CTNNA2: variants seen among roughly 807,000 people sequenced by gnomAD.
The protein encoded by CTNNA2 is catenin alpha 2.
A neutral mutation model predicts 101.0 loss-of-function variants in CTNNA2; 42 were observed. That is an observed-to-expected ratio of 0.42 (90% CI 0.32 to 0.54). The LOEUF is 0.54. Ranked by LOEUF, CTNNA2 falls within the 20% of genes least tolerant of loss-of-function variation. The pLI, the probability that CTNNA2 is intolerant of heterozygous loss-of-function variation, is 0.14. For missense variants in CTNNA2, 871 were observed against 1,223.1 expected, an observed-to-expected ratio of 0.71 and a Z score of 4.29; for synonymous variants, 450 against 456.4, an observed-to-expected ratio of 0.99 and a Z score of 0.18.
chr2:79,818,821 TTATA>T (rs372924495), intron 3 of CTNNA2, among the ~76,000 whole-genome samples: 19 of 74,276 alleles, frequency 2.6e-4, no homozygotes, highest in African/African-American at 1.1e-3. Context: ...CAAAATGCAA[TTATA>T]TATATATATA....
At chr2:79,868,191 C>A (rs1033854527) in intron 4 of CTNNA2, among the ~76,000 whole-genome samples, 4 of 152,076 alleles carry the variant, frequency 2.6e-5, no homozygotes, top group Non-Finnish European at 5.9e-5. Flanking sequence ...TTTACATCAT[C>A]GTTTCATATT....
intron 2 of CTNNA2, among the ~76,000 whole-genome samples, chr2:79,303,783 C>T (rs1311048546): frequency 2.0e-5 from 3 of 151,798 alleles, no homozygotes; most frequent in Admixed American, 1.3e-4. Flanking sequence ...GGGCTGCAGC[C>T]TTCACAGGAC....
At chr2:79,832,482 T>A (rs1194717382) in intron 3 of CTNNA2, among the ~76,000 whole-genome samples, 2 of 152,234 alleles carry the variant, frequency 1.3e-5, no homozygotes, top group Non-Finnish European at 2.9e-5. Flanking sequence ...CCATAAATAT[T>A]ATGCCATTTA....
chr2:80,204,883 A>T (rs1707436196), intron 7 of CTNNA2, among the ~76,000 whole-genome samples: 1 of 152,142 alleles, frequency 6.6e-6, no homozygotes, highest in Non-Finnish European at 1.5e-5. Flanking sequence ...AAGGCCTCAC[A>T]ATCATGATGG....
chr2:79,325,224 G>C (rs989453649), intron 3 of CTNNA2, among the ~76,000 whole-genome samples: 2 of 152,136 alleles, frequency 1.3e-5, no homozygotes, highest in Non-Finnish European at 2.9e-5. Flanking sequence ...AACCAAGTTT[G>C]ATTTATCCCC....
intron 4 of CTNNA2, among the ~76,000 whole-genome samples, chr2:79,415,811 C>G (rs893855125): frequency 2.0e-5 from 3 of 152,050 alleles, no homozygotes; most frequent in African/African-American, 7.2e-5. Flanking sequence ...ATAGGTCTAT[C>G]TGTTCTTACC....
At chr2:80,304,726 A>G (rs2149213592) in intron 7 of CTNNA2, 1 of 152,816 alleles carries the variant, frequency 6.5e-6, no homozygotes, top group South Asian at 1.8e-4. Flanking sequence ...GCGAGCTTGC[A>G]CAGGCACCTA....
chr2:80,410,018 T>A (rs1190405773), intron 8 of CTNNA2, among the ~76,000 whole-genome samples: 1 of 152,250 alleles, frequency 6.6e-6, no homozygotes, highest in South Asian at 2.1e-4. Context: ...CAAAGTCTTA[T>A]GCAAGTGTGA....
intron 1 of CTNNA2, among the ~76,000 whole-genome samples, chr2:79,563,085 A>G (rs1380825348): frequency 6.6e-6 from 1 of 151,480 alleles, no homozygotes; most frequent in East Asian, 1.9e-4. Context: ...ATGATCCAAT[A>G]TGTGATTCAT....
intron 9 of CTNNA2, among the ~76,000 whole-genome samples, chr2:80,437,484 G>C (rs1682147070): frequency 6.6e-6 from 1 of 152,186 alleles, no homozygotes. Flanking sequence ...ATATGTCATG[G>C]TAGTCAGCTT....
At chr2:80,371,837 A>T (rs981730411) in intron 7 of CTNNA2, among the ~76,000 whole-genome samples, 2 of 152,142 alleles carry the variant, frequency 1.3e-5, no homozygotes, top group African/African-American at 4.8e-5. Flanking sequence ...ATAGGTTGGC[A>T]TTGGAGAATT....
intron 3 of CTNNA2, among the ~76,000 whole-genome samples, chr2:79,793,650 A>G (rs1305542147): frequency 6.6e-6 from 1 of 152,144 alleles, no homozygotes; most frequent in East Asian, 1.9e-4. Flanking sequence ...TGCTCACAAG[A>G]TGTGCAAAAA....
intron 1 of CTNNA2, among the ~76,000 whole-genome samples, chr2:79,191,028 A>G (rs144736928): frequency 1.3e-5 from 2 of 152,286 alleles, no homozygotes; most frequent in Non-Finnish European, 2.9e-5. Context: ...AAATACAGTC[A>G]TGTTCAAAAG....
intron 7 of CTNNA2, among the ~76,000 whole-genome samples, chr2:79,932,298 G>C (rs1332273817): frequency 6.6e-6 from 1 of 152,162 alleles, no homozygotes; most frequent in Non-Finnish European, 1.5e-5. Context: ...TGAGAGGAAA[G>C]AGAAGAAACA....
chr2:80,078,850 C>T (rs1240509749), intron 7 of CTNNA2, among the ~76,000 whole-genome samples: 1 of 152,094 alleles, frequency 6.6e-6, no homozygotes, highest in East Asian at 1.9e-4. Context: ...TCTTATTCTC[C>T]CTCCCTTTTA....
Position 79,599,139 on chromosome 2 carries a change from C to T in CTNNA2, c.-5-52413C>T, listed in dbSNP as rs766903202. ...TATGTGGGCCTATGTCTGGGATCTC[C>T]GTCCTGTTCTATTCATCTATTTGTC... On this transcript the variant is annotated intron_variant, in intron 1 of 18. Transcript: ENST00000402739. 1.2e-4 allele frequency among the ~76,000 whole-genome samples: 18 copies of T among 152,154 alleles called. No homozygotes were observed. In the East Asian group the frequency reaches 2.1e-3, roughly 18 times the overall value.
chr2:80,607,433 G>C (rs900135644), intron 16 of CTNNA2, among the ~76,000 whole-genome samples: 1 of 151,832 alleles, frequency 6.6e-6, no homozygotes, highest in Non-Finnish European at 1.5e-5. Context: ...GCCAAGCTCT[G>C]TGTGTGCTTG....
At chr2:80,069,510 C>T (rs552631550) in intron 7 of CTNNA2, among the ~76,000 whole-genome samples, 23 of 152,214 alleles carry the variant, frequency 1.5e-4, no homozygotes, top group East Asian at 5.8e-4. Context: ...ATCCGCCATA[C>T]GATTGAAAAT....
intron 7 of CTNNA2, among the ~76,000 whole-genome samples, chr2:80,215,913 A>T (rs934988781): frequency 1.3e-5 from 2 of 152,174 alleles, no homozygotes; most frequent in African/African-American, 2.4e-5. Context: ...GCTCCACCCA[A>T]TTCGAGCTTC....
Sources: allele counts gnomAD v4.1 joint callset (sites outside exome capture counted in the v4.1 genomes callset), GRCh38; gene constraint gnomAD v4.1.1; transcripts MANE v1.5; gene names NCBI Gene and HGNC (gene_info 2026-07-23, HGNC 2026-07-21).